TNFSF9: variants seen among roughly 807,000 people sequenced by gnomAD.
TNFSF9 encodes the protein TNF superfamily member 9, also known as tumor necrosis factor ligand superfamily member 9.
In TNFSF9, 10 loss-of-function variants were observed where a neutral mutation model predicts 10.3. That is an observed-to-expected ratio of 0.97 (90% confidence interval 0.60 to 1.65). TNFSF9 has a LOEUF of 1.65. Among genes scored for constraint, TNFSF9 ranks in the 40% most tolerant of loss-of-function variants. The pLI is 0.00. For missense variants in TNFSF9, 361 were observed against 348.9 expected (o/e 1.03, Z -0.28); for synonymous variants, 195 against 176.1 (o/e 1.11, Z -0.85).
chr19:6,531,220 C>T lies in TNFSF9; in HGVS notation c.184C>T (p.Pro62Ser). 1 of 1,534,442 alleles carries T rather than the reference C, an allele frequency of 6.5e-7. No homozygotes were observed. The highest frequency in any genetic ancestry group is 1.4e-5 in the African/African-American group (1 of 70,026). The change falls in exon 1 of 3, where the codon CCC (proline) becomes TCC (serine). Residue 62 changes from proline (P) to serine (S), a missense_variant. Coordinates refer to ENST00000245817, the MANE Select transcript of TNFSF9 (RefSeq NM_003811.4). ...PWAVSGARAS[P>S]GSAASPRLRE... ...GGCCGTGTCCGGGGCTCGCGCCTCGCCCGGCTCCGCGGCCAGCCCGAGACT... is the reference window on the plus strand; with the variant it reads ...GGCCGTGTCCGGGGCTCGCGCCTCGTCCGGCTCCGCGGCCAGCCCGAGACT...
At position 6,535,912 on chromosome 19, in the gene TNFSF9, C is replaced by A. The variant is rs905805692; in HGVS notation, c.*846C>A. 2.0e-5 allele frequency: 3 copies of A among 152,188 alleles called. No homozygotes were observed. The highest frequency in any genetic ancestry group is 4.4e-5 in the Non-Finnish European group (3 of 68,038). The allele number at this position is 152,188 out of a possible 1,614,324, so 9.4% of individuals were successfully genotyped here. A position where few individuals can be genotyped will look rare whatever the true frequency, so the allele number is the denominator to read the frequency against. On this transcript the variant is annotated 3_prime_UTR_variant, in exon 3 of 3. Coordinates refer to ENST00000245817, the MANE Select transcript of TNFSF9 (RefSeq NM_003811.4). Reference sequence around the variant, plus strand: ...GCCAGTACAATTTATAATAAACACTCATTTTTCCTCCCTCTGGAGAGTTGG... The same window carrying A: ...GCCAGTACAATTTATAATAAACACTAATTTTTCCTCCCTCTGGAGAGTTGG...
Position 6,535,045 on chromosome 19 carries a change from C to A in TNFSF9, c.744C>A (p.Leu248=). ...TGACCCCCGAAATCCCAGCCGGACT[C>A]CCTTCACCGAGGTCGGAATAACGTC... ...FRVTPEIPAG[L]PSPRSE The change falls in exon 3 of 3, where the codon CTC becomes CTA. Residue 248 remains leucine, a synonymous_variant. Coordinates refer to ENST00000245817, the MANE Select transcript of TNFSF9 (RefSeq NM_003811.4). The A allele has an allele frequency of 6.4e-7, 1 of 1,572,412 alleles. No individual in the cohort carries two copies. The highest frequency in any genetic ancestry group is 8.6e-7 in the Non-Finnish European group (1 of 1,157,154).
chr19:6,531,283 G>C lies in TNFSF9; in HGVS notation c.247G>C (p.Gly83Arg). 5.3e-6 allele frequency: 8 copies of C among 1,505,284 alleles called. No homozygotes were observed. The South Asian group carries it at 9.3e-5, about 18-fold the overall frequency. 93.2% of individuals were successfully genotyped at this position (1,505,284 alleles called of 1,614,324 possible). A position where few individuals can be genotyped will look rare whatever the true frequency, so the allele number is the denominator to read the frequency against. Reference protein sequence around the residue: ...GPELSPDDPAGLLDLRQGMFA... With the variant: ...GPELSPDDPARLLDLRQGMFA... ...CGAGCTTTCGCCCGACGATCCCGCC[G>C]GCCTCTTGGACCTGCGGCAGGTGAG... is the stretch of plus-strand genomic sequence containing the variant. The change falls in exon 1 of 3, where the codon GGC becomes CGC. Residue 83 changes from glycine (G) to arginine (R), a missense_variant. By Grantham distance (125) the Gly-to-Arg change is moderately radical (BLOSUM62 -2). Coordinates refer to ENST00000245817, the MANE Select transcript of TNFSF9 (RefSeq NM_003811.4).
rs942411344 is a variant in TNFSF9, at chr19:6,535,381, C to A, written c.*315C>A. On this transcript the variant is annotated 3_prime_UTR_variant, in exon 3 of 3. Transcript: ENST00000245817. ...GTTTTGGGGGGGGGGGGGTCTTCGA[C>A]ATTGCCGAGGCTGGTCTTGAACTCC... 4 of 141,300 alleles carry A rather than the reference C, an allele frequency of 2.8e-5. No individual in the cohort carries two copies. In the East Asian group the frequency reaches 8.4e-4, roughly 30 times the overall value. 8.8% of individuals were successfully genotyped at this position (141,300 alleles called of 1,614,324 possible). A position where few individuals can be genotyped will look rare whatever the true frequency, so the allele number is the denominator to read the frequency against.
chr19:6,535,174 G>T lies in TNFSF9; in HGVS notation c.*108G>T. The T allele has an allele frequency of 8.0e-7, 1 of 1,255,296 alleles. No homozygotes were observed. The highest frequency in any genetic ancestry group is 1.1e-6 in the Non-Finnish European group (1 of 945,230). 77.8% of individuals were successfully genotyped at this position (1,255,296 alleles called of 1,614,324 possible). On this transcript the variant is annotated 3_prime_UTR_variant, in exon 3 of 3. Coordinates refer to ENST00000245817, the MANE Select transcript of TNFSF9 (RefSeq NM_003811.4). Reference sequence around the variant, plus strand: ...CTGCTTTCTCTACCTCAAGGGGCTTGGCAGGGGTCCCTGCTGCTGACCTCC... The same window carrying T: ...CTGCTTTCTCTACCTCAAGGGGCTTTGCAGGGGTCCCTGCTGCTGACCTCC...
intron 2 of TNFSF9, 100 bp from the exon 3 acceptor site, chr19:6,534,500 T>C (rs1289041996): frequency 9.0e-7 from 1 of 1,106,646 alleles, no homozygotes. Context: ...CCTGACCCGT[T>C]CTTTTCTCCC....
intron 1 of TNFSF9, among the ~76,000 whole-genome samples, chr19:6,532,361 GTGTTCGTGGGT>G: frequency 6.6e-6 from 1 of 150,858 alleles, no homozygotes; most frequent in African/African-American, 2.5e-5. Flanking sequence ...GTATGTGTGT[GTGTTCGTGGGT>G]GTGTTTGTGT....
At position 6,535,198 on chromosome 19, in the gene TNFSF9, C is replaced by CCTCA. The variant is rs1915242441; in HGVS notation, c.*133_*134insTCAC. ...TGGCAGGGGTCCCTGCTGCTGACCTCCCCTTGAGGACCCTCCTCACCCACT... is the reference window on the plus strand; with the variant it reads ...TGGCAGGGGTCCCTGCTGCTGACCTCCTCACCCTTGAGGACCCTCCTCACCCACT... On this transcript the variant is annotated 3_prime_UTR_variant, in exon 3 of 3. Transcript: ENST00000245817. 1.0e-6 allele frequency: 1 copy of CCTCA among 968,752 alleles called. No homozygotes were observed. The allele number at this position is 968,752 out of a possible 1,614,324, so 60.0% of individuals were successfully genotyped here. A position where few individuals can be genotyped will look rare whatever the true frequency, so the allele number is the denominator to read the frequency against.
intron 1 of TNFSF9, 99 bp from the exon 2 acceptor site, chr19:6,532,687 C>T: frequency 6.4e-7 from 1 of 1,566,094 alleles, no homozygotes; most frequent in Non-Finnish European, 8.8e-7. Context: ...TTCAGGTCGG[C>T]ACAGACTCTG....
At position 6,531,203 on chromosome 19, in the gene TNFSF9, C is replaced by G. The variant is rs1235474474; in HGVS notation, c.167C>G (p.Ser56Cys). ...AVFLACPWAVSGARASPGSAA... is the reference protein window; with the variant it reads ...AVFLACPWAVCGARASPGSAA... ...TTCCTCGCCTGCCCCTGGGCCGTGTCCGGGGCTCGCGCCTCGCCCGGCTCC... is the reference window on the plus strand; with the variant it reads ...TTCCTCGCCTGCCCCTGGGCCGTGTGCGGGGCTCGCGCCTCGCCCGGCTCC... Residue 56 changes from serine to cysteine, a missense_variant, in exon 1 of 3, where the codon TCC becomes TGC. Coordinates refer to ENST00000245817, the MANE Select transcript of TNFSF9 (RefSeq NM_003811.4). 1 of 1,548,844 alleles carries G rather than the reference C, an allele frequency of 6.5e-7. No individual in the cohort carries two copies. The highest frequency in any genetic ancestry group is 2.0e-5 in the Admixed American group (1 of 50,620).
rs1915252560 is a variant in TNFSF9 at position 6,535,807 on chromosome 19, A to C, written c.*741A>C. The stretch of plus-strand genomic sequence containing the variant: ...CAGCCTCTCGAGTAGCTGGGACCAC[A>C]GTTGTGTGCCACCACACTTGGCTAA... On this transcript the variant is annotated 3_prime_UTR_variant, in exon 3 of 3. Coordinates refer to ENST00000245817, the MANE Select transcript of TNFSF9 (RefSeq NM_003811.4). The C allele has an allele frequency of 6.6e-6, 1 of 152,156 alleles. No individual in the cohort carries two copies. The highest frequency in any genetic ancestry group is 2.1e-4 in the South Asian group (1 of 4,830). The allele number at this position is 152,156 out of a possible 1,614,324, so 9.4% of individuals were successfully genotyped here.
chr19:6,534,611 G>C lies in TNFSF9; in HGVS notation c.310G>C (p.Asp104His). 6.4e-7 allele frequency: 1 copy of C among 1,571,928 alleles called. No homozygotes were observed. Among genetic ancestry groups the C allele is most frequent in the Non-Finnish European group, 8.6e-7 (1 of 1,159,146 alleles). The change falls in exon 3 of 3, where the codon GAT (aspartate) becomes CAT (histidine). Residue 104 changes from aspartate to histidine, a missense_variant. Physicochemically the swap from Asp to His is moderately conservative, Grantham distance 81. Coordinates refer to ENST00000245817, the MANE Select transcript of TNFSF9 (RefSeq NM_003811.4). ...QLVAQNVLLI[D>H]GPLSWYSDPG... is the part of the protein sequence containing the mutation. ...CTTTCCTCCCACAGTTCTGCTGATCGATGGGCCCCTGAGCTGGTACAGTGA... is the reference window on the plus strand; with the variant it reads ...CTTTCCTCCCACAGTTCTGCTGATCCATGGGCCCCTGAGCTGGTACAGTGA...
Position 6,535,669 on chromosome 19 carries a change from C to CT in TNFSF9, c.*611dup, listed in dbSNP as rs1035100516. 5.3e-5 allele frequency: 8 copies of CT among 151,750 alleles called. No homozygotes were observed. The highest frequency in any genetic ancestry group is 7.4e-5 in the Non-Finnish European group (5 of 67,944). The allele number at this position is 151,750 out of a possible 1,614,324, so 9.4% of individuals were successfully genotyped here. A position where few individuals can be genotyped will look rare whatever the true frequency, so the allele number is the denominator to read the frequency against. ...TGGGGGCTAGCTTTTTTCTTTCTTT[C>CT]TTTTTTTTGAGATGGTCTTGTTCTG... On this transcript the variant is annotated 3_prime_UTR_variant, in exon 3 of 3. Coordinates refer to ENST00000245817, the MANE Select transcript of TNFSF9 (RefSeq NM_003811.4).
chr19:6,533,469 C>T (rs1915193263), intron 2 of TNFSF9, among the ~76,000 whole-genome samples: 1 of 69,310 alleles, frequency 1.4e-5, no homozygotes, highest in Non-Finnish European at 2.9e-5. Flanking sequence ...GAGATCACTT[C>T]CCCCTTTCCC....
At chr19:6,531,937 C>A (rs1200606889) in intron 1 of TNFSF9, among the ~76,000 whole-genome samples, 2 of 152,164 alleles carry the variant, frequency 1.3e-5, no homozygotes, top group Admixed American at 6.5e-5. Context: ...GGTTCTCCAA[C>A]CCTCGACGGC....
intron 1 of TNFSF9, among the ~76,000 whole-genome samples, chr19:6,532,338 CGTGTGGGGGTGCGTATGTGTGTGT>C (rs1915165074): frequency 1.7e-5 from 2 of 115,466 alleles, no homozygotes; most frequent in African/African-American, 3.7e-5. Flanking sequence ...TGTGTGTGTT[CGTGTGGGGGTGCGTATGTGTGTGT>C]GTTCGTGGGT....
Position 6,531,360 on chromosome 19 carries a change from C to A in TNFSF9, c.267+57C>A, listed in dbSNP as rs116209920. ...CTCGCGGGAGACCCCTACCGCCCCT[C>A]TGGGACTCCCTTCTCCCTCCCGCAC... is the stretch of plus-strand genomic sequence containing the variant. On this transcript the variant is annotated intron_variant, in intron 1 of 2. Transcript: ENST00000245817. The A allele has an allele frequency of 1.4e-3, 2,016 of 1,396,020 alleles. 28 individuals are homozygous for A. In the African/African-American group the frequency reaches 0.028, roughly 19 times the overall value. The allele number at this position is 1,396,020 out of a possible 1,614,324, so 86.5% of individuals were successfully genotyped here.
Position 6,534,661 on chromosome 19 carries a change from G to C in TNFSF9, c.360G>C (p.Leu120=). ...ACCCAGGCCTGGCAGGCGTGTCCCT[G>C]ACGGGGGGCCTGAGCTACAAAGAGG... is the stretch of plus-strand genomic sequence containing the variant. ...YSDPGLAGVS[L]TGGLSYKEDT... Residue 120 remains leucine, a synonymous_variant, in exon 3 of 3, where the codon CTG becomes CTC. Transcript: ENST00000245817. 1 of 1,590,458 alleles carries C rather than the reference G, an allele frequency of 6.3e-7. No homozygotes were observed. Among genetic ancestry groups the C allele is most frequent in the Non-Finnish European group, 8.6e-7 (1 of 1,169,102 alleles).
Position 6,534,995 on chromosome 19 carries a change from G to A in TNFSF9, c.694G>A (p.Ala232Thr), listed in dbSNP as rs746585700. 68 of 1,609,600 alleles carry A rather than the reference G, an allele frequency of 4.2e-5. No individual in the cohort carries two copies. The highest frequency in any genetic ancestry group is 9.4e-5 in the African/African-American group (7 of 74,852). ...ARHAWQLTQG[A>T]TVLGLFRVTP... is the part of the protein sequence containing the mutation. ...CCATGCCTGGCAGCTTACCCAGGGC[G>A]CCACAGTCTTGGGACTCTTCCGGGT... The change falls in exon 3 of 3, where the codon GCC (alanine) becomes ACC (threonine). Residue 232 changes from alanine to threonine, a missense_variant. Physicochemically the swap from Ala to Thr is moderately conservative, Grantham distance 58 (BLOSUM62 0). Transcript: ENST00000245817.
Sources: allele counts gnomAD v4.1 joint callset (sites outside exome capture counted in the v4.1 genomes callset), GRCh38; gene constraint gnomAD v4.1.1; transcripts MANE v1.5; gene names NCBI Gene and HGNC (gene_info 2026-07-23, HGNC 2026-07-21).